The following NEDD1 variants were observed in gnomAD, a reference collection of about 807,000 sequenced individuals.
NEDD1 encodes the protein NEDD1 gamma-tubulin ring complex targeting factor, also known as protein NEDD1.
NEDD1 carries 33 observed loss-of-function variants against 74.0 expected under a neutral mutation model. The ratio of observed to expected loss-of-function variants is 0.45; its 90% CI spans 0.34 to 0.60. The LOEUF (loss-of-function observed/expected upper bound fraction) is 0.60, where lower values mean the gene tolerates loss of function less well. NEDD1 is among the 20% of genes least tolerant of loss of function. NEDD1 has a pLI of 0.01. For synonymous variants in NEDD1, 250 were observed against 264.4 expected (o/e 0.95, Z 0.53); for missense variants, 746 against 776.5 (o/e 0.96, Z 0.47).
Position 96,907,811 on chromosome 12 carries a change from C to T in NEDD1, c.-54C>T. 6.8e-7 allele frequency: 1 copy of T among 1,470,012 alleles called. No individual in the cohort carries two copies. The highest frequency in any genetic ancestry group is 1.4e-5 in the African/African-American group (1 of 71,126). 91.1% of individuals were successfully genotyped at this position (1,470,012 alleles called of 1,614,324 possible). ...TTTCGACGGGACCGTCTTTGAGGGA[C>T]TCATGTAAAGTCTCTCCCTTAATGC... On this transcript the variant is annotated 5_prime_UTR_variant, in exon 2 of 16. Transcript: ENST00000266742.
intron 2 of NEDD1, among the ~76,000 whole-genome samples, chr12:96,908,966 C>G (rs549224824): frequency 6.6e-6 from 1 of 152,022 alleles, no homozygotes; most frequent in South Asian, 2.1e-4. Context: ...CACCTGAGGT[C>G]AGGAGTTCGA....
At position 96,942,582 on chromosome 12, in the gene NEDD1, G is replaced by A. The variant is rs1359571656; in HGVS notation, c.1252G>A (p.Val418Ile). ...DMFSPIRDDA[V>I]VNKGSDESIG... ...GATTTTCTAATTTGTTATAGATGCT[G>A]TAGTTAACAAGGGAAGTGATGAGTC... is the stretch of plus-strand genomic sequence containing the variant. The change falls in exon 11 of 16, where the codon GTA becomes ATA. Residue 418 changes from valine (V) to isoleucine (I), a missense_variant. Val to Ile is a conservative substitution (Grantham distance 29, BLOSUM62 3). Around this residue, in one of 3 missense-constraint regions of NEDD1, gnomAD observed 706 missense variants for 706.7 expected, o/e 1.00. Coordinates refer to ENST00000266742, the MANE Select transcript of NEDD1 (RefSeq NM_152905.4). 1.4e-6 allele frequency: 2 copies of A among 1,475,818 alleles called. No homozygotes were observed. The highest frequency in any genetic ancestry group is 1.1e-5 in the South Asian group (1 of 87,292). 91.4% of individuals were successfully genotyped at this position (1,475,818 alleles called of 1,614,324 possible).
chr12:96,926,177 A>G (rs1434571786), intron 6 of NEDD1, among the ~76,000 whole-genome samples: 1 of 152,174 alleles, frequency 6.6e-6, no homozygotes, highest in Non-Finnish European at 1.5e-5. Flanking sequence ...TTACTTCTCT[A>G]AAATGGTTTG....
At chr12:96,943,360 T>C (rs927911818) in intron 11 of NEDD1, among the ~76,000 whole-genome samples, 200 bp from the exon 12 acceptor site, 3 of 152,186 alleles carry the variant, frequency 2.0e-5, no homozygotes, top group African/African-American at 7.2e-5. Flanking sequence ...CATTTGTAGA[T>C]CGGGAAATAG....
chr12:96,940,112 T>G (rs1343253788), intron 9 of NEDD1, among the ~76,000 whole-genome samples: 3 of 151,996 alleles, frequency 2.0e-5, no homozygotes, highest in African/African-American at 7.2e-5. Context: ...TTTAGAAAAA[T>G]TCCAACAAAA....
Position 96,909,881 on chromosome 12 carries a change from G to A in NEDD1, c.122G>A (p.Cys41Tyr). The A allele has an allele frequency of 5.0e-6, 8 of 1,605,586 alleles. No individual in the cohort carries two copies. The highest frequency in any genetic ancestry group is 1.4e-5 in the African/African-American group (1 of 73,736). Residue 41 changes from cysteine (C) to tyrosine (Y), a missense_variant, in exon 3 of 16, where the codon TGT becomes TAT. Physicochemically the swap from Cys to Tyr is radical, Grantham distance 194. This residue lies in a region of NEDD1 where 706 missense variants were observed against 706.7 expected (regional missense o/e 1.00). Coordinates refer to ENST00000266742, the MANE Select transcript of NEDD1 (RefSeq NM_152905.4). ...TCACCACATGGAATCAGCTCAATAT[G>A]TTGGAGCAGCAATAGTATCCTTTAA... is the stretch of plus-strand genomic sequence containing the variant. ...HTSPHGISSI[C>Y]WSSNNNFLVT...
chr12:96,923,536 A>G (rs981066898), intron 6 of NEDD1, among the ~76,000 whole-genome samples: 2 of 152,116 alleles, frequency 1.3e-5, no homozygotes, highest in South Asian at 2.1e-4. Context: ...TGCCACTTTG[A>G]TGGTTATGTA....
At chr12:96,910,156 A>T (rs1873767723) in intron 3 of NEDD1, among the ~76,000 whole-genome samples, 1 of 152,224 alleles carries the variant, frequency 6.6e-6, no homozygotes, top group East Asian at 1.9e-4. Context: ...AAAAAAGTAT[A>T]TTCTGTCTAC....
intron 10 of NEDD1, 53 bp from the exon 11 acceptor site, chr12:96,942,524 G>A: frequency 1.1e-6 from 1 of 872,120 alleles, no homozygotes; most frequent in Non-Finnish European, 1.9e-6. Context: ...AGCCTAAATT[G>A]ATATGGTTTC....
intron 6 of NEDD1, among the ~76,000 whole-genome samples, chr12:96,922,630 A>AT (rs1825056081): frequency 2.0e-5 from 3 of 152,208 alleles, no homozygotes; most frequent in Admixed American, 1.3e-4. Context: ...AAAGATTTAA[A>AT]TTTTTTAAAA....
chr12:96,923,246 C>T (rs962949294), intron 6 of NEDD1, among the ~76,000 whole-genome samples: 3 of 152,054 alleles, frequency 2.0e-5, no homozygotes, highest in Non-Finnish European at 4.4e-5. Context: ...ATGAATGGGC[C>T]ACCATTTATC....
intron 6 of NEDD1, among the ~76,000 whole-genome samples, chr12:96,932,463 A>AAAAAAAAAAAAAAAATATATAT: frequency 1.1e-4 from 1 of 9,438 alleles, no homozygotes; most frequent in African/African-American, 3.4e-4. Flanking sequence ...AAAAAAAAAA[A>AAAAAAAAAAAAAAAATATATAT]ATATATATAT....
intron 14 of NEDD1, 22 bp downstream of exon 14, chr12:96,945,871 C>T: frequency 6.6e-7 from 1 of 1,515,826 alleles, no homozygotes; most frequent in East Asian, 2.3e-5. Context: ...GAAACTACTC[C>T]TTCTATCTAG....
At chr12:96,941,720 T>C (rs1167973846) in intron 10 of NEDD1, among the ~76,000 whole-genome samples, 1 of 152,146 alleles carries the variant, frequency 6.6e-6, no homozygotes, top group Non-Finnish European at 1.5e-5. Flanking sequence ...TTCTCTTTAA[T>C]AGTTTTTAAG....
chr12:96,943,124 A>G (rs1877836113), intron 11 of NEDD1, among the ~76,000 whole-genome samples: 1 of 152,086 alleles, frequency 6.6e-6, no homozygotes, highest in African/African-American at 2.4e-5. Flanking sequence ...GCCACGTTCA[A>G]AGGGAGGAGA....
At chr12:96,951,876 A>G in intron 15 of NEDD1, 73 bp from the exon 16 acceptor site, 1 of 778,032 alleles carries the variant, frequency 1.3e-6, no homozygotes, top group South Asian at 1.5e-5. Context: ...GATAGCTGAA[A>G]GTATATTAAA....
chr12:96,947,759 G>A (rs1224974538), intron 14 of NEDD1, among the ~76,000 whole-genome samples: 1 of 152,116 alleles, frequency 6.6e-6, no homozygotes, highest in African/African-American at 2.4e-5. Context: ...ACCTGTTCCT[G>A]GCTTTCTGTG....
In NEDD1 at chr12:96,944,725, T is replaced by C. The variant is rs765832736; in HGVS notation, c.1584T>C (p.Phe528=). 1.3e-6 allele frequency: 2 copies of C among 1,599,572 alleles called. No individual in the cohort carries two copies. Among genetic ancestry groups the C allele is most frequent in the Non-Finnish European group, 8.5e-7 (1 of 1,173,622 alleles). Residue 528 remains phenylalanine, a synonymous_variant, in exon 13 of 16, where the codon TTT becomes TTC. Transcript: ENST00000266742. ...ACCAAACAAGAAATTCTGAGAAATT[T>C]GAAAAGCCAGAGAATGAAATTGAAG... ...SSNQTRNSEK[F]EKPENEIEAQ... is the part of the protein sequence containing the mutation.
Position 96,907,286 on chromosome 12 carries a change from T to C in NEDD1, c.-276T>C, listed in dbSNP as rs1873405590. 1 of 278,078 alleles carries C rather than the reference T, an allele frequency of 3.6e-6. No individual in the cohort carries two copies. Among genetic ancestry groups the C allele is most frequent in the Non-Finnish European group, 6.6e-6 (1 of 150,638 alleles). 17.2% of individuals were successfully genotyped at this position (278,078 alleles called of 1,614,324 possible). A position where few individuals can be genotyped will look rare whatever the true frequency, so the allele number is the denominator to read the frequency against. On this transcript the variant is annotated 5_prime_UTR_variant, in exon 1 of 16. Coordinates refer to ENST00000266742, the MANE Select transcript of NEDD1 (RefSeq NM_152905.4). ...CGGAGCCGGCCGCGGCCCCCTGTTG[T>C]GTTGCTGCGGAGAGGTGAGGTTCCG...
Sources: allele counts gnomAD v4.1 joint callset (sites outside exome capture counted in the v4.1 genomes callset), GRCh38; gene constraint gnomAD v4.1.1; regional missense constraint gnomAD v4.1.1; transcripts MANE v1.5; gene names NCBI Gene and HGNC (gene_info 2026-07-23, HGNC 2026-07-21).